Variants in TSPAN11 observed in about 807,000 individuals in gnomAD.
TSPAN11 encodes the protein tetraspanin 11.
In TSPAN11, 29 loss-of-function variants were observed where a neutral mutation model predicts 32.9. The observed-to-expected ratio is 0.88, with a 90% CI of 0.66 to 1.20. The LOEUF is 1.20. Ranked by LOEUF, TSPAN11 falls within the 50% of genes most tolerant of loss-of-function variation. The pLI, the probability that TSPAN11 is intolerant of heterozygous loss-of-function variation, is 0.00. For synonymous variants in TSPAN11, 140 were observed against 141.3 expected (o/e 0.99, Z 0.07); for missense variants, 283 against 329.1 (o/e 0.86, Z 1.08).
intron 3 of TSPAN11, among the ~76,000 whole-genome samples, 155 bp downstream of exon 3, chr12:30,964,172 C>T (rs752686698): frequency 6.6e-6 from 1 of 152,122 alleles, no homozygotes; most frequent in East Asian, 1.9e-4. Context: ...TGGGGTTTGC[C>T]ACGGTCTCCA....
the TSPAN11 span, among the ~76,000 whole-genome samples, chr12:31,014,813 T>A: frequency 1.6e-4 from 25 of 152,248 alleles, no homozygotes; most frequent in African/African-American, 6.0e-4. Context: ...TGTAGTAATA[T>A]TTTTAGAAAT....
At position 30,949,565 on chromosome 12, in the gene TSPAN11, A is replaced by G. The variant is rs185080625; in HGVS notation, c.-11-4416A>G. 4.6e-5 allele frequency among the ~76,000 whole-genome samples: 7 copies of G among 152,292 alleles called. No homozygotes were observed. The East Asian group carries it at 1.4e-3, about 29-fold the overall frequency. ...GAATAGTACGTGAGAATAGTATGTGAAAGACTGGCCCCCATGATTCAATTA... is the reference window on the plus strand; with the variant it reads ...GAATAGTACGTGAGAATAGTATGTGGAAGACTGGCCCCCATGATTCAATTA... On this transcript the variant is annotated intron_variant, in intron 1 of 7. Transcript: ENST00000546076.
intron 1 of TSPAN11, among the ~76,000 whole-genome samples, chr12:30,930,691 A>C (rs548215704): frequency 1.4e-4 from 21 of 152,208 alleles, no homozygotes; most frequent in Non-Finnish European, 2.9e-4. Flanking sequence ...GGAATTTGAA[A>C]AAGGTCTTAT....
At chr12:30,953,321 A>T (rs1938418099) in intron 1 of TSPAN11, among the ~76,000 whole-genome samples, 1 of 152,148 alleles carries the variant, frequency 6.6e-6, no homozygotes, top group Non-Finnish European at 1.5e-5. Context: ...ATGCTGAGGG[A>T]TGGGAGGTCA....
chr12:30,937,872 T>A (rs1237669953), intron 1 of TSPAN11, among the ~76,000 whole-genome samples: 1 of 152,224 alleles, frequency 6.6e-6, no homozygotes, highest in African/African-American at 2.4e-5. Context: ...GCTGTCCTTG[T>A]CTGCATGGTT....
At chr12:30,942,026 C>T (rs1015908137) in intron 1 of TSPAN11, among the ~76,000 whole-genome samples, 2 of 152,204 alleles carry the variant, frequency 1.3e-5, no homozygotes, top group African/African-American at 2.4e-5. Context: ...AGGGCCTTCC[C>T]TCACAACCAT....
chr12:30,926,904 A>G (rs1363381489), intron 1 of TSPAN11, 108 bp downstream of exon 1: 2 of 1,276,202 alleles, frequency 1.6e-6, no homozygotes, highest in Admixed American at 2.4e-5. Flanking sequence ...GTCCCGAGCT[A>G]GACTGTCCCG....
intron 3 of TSPAN11, 55 bp downstream of exon 3, chr12:30,964,072 G>A: frequency 1.3e-6 from 2 of 1,568,020 alleles, no homozygotes; most frequent in Admixed American, 3.5e-5. Flanking sequence ...CACCCAGTCA[G>A]GTTTCCAGCA....
At chr12:31,016,074 C>T in the TSPAN11 span, among the ~76,000 whole-genome samples, 2 of 152,282 alleles carry the variant, frequency 1.3e-5, no homozygotes, top group South Asian at 2.1e-4. Context: ...GCCAGGAGTT[C>T]GTGACCAGCC....
At chr12:30,972,975 T>A (rs951892977) in intron 3 of TSPAN11, among the ~76,000 whole-genome samples, 1 of 151,872 alleles carries the variant, frequency 6.6e-6, no homozygotes, top group Non-Finnish European at 1.5e-5. Context: ...ATTCCTCACC[T>A]CTCCTGACAC....
intron 1 of TSPAN11, among the ~76,000 whole-genome samples, chr12:30,947,591 C>T (rs1008877480): frequency 3.9e-5 from 6 of 152,082 alleles, no homozygotes; most frequent in East Asian, 1.9e-4. Context: ...ACAGAAACCC[C>T]GATAAACCCA....
intron 3 of TSPAN11, among the ~76,000 whole-genome samples, chr12:30,972,644 G>A (rs1049107439): frequency 6.6e-6 from 1 of 152,146 alleles, no homozygotes; most frequent in Admixed American, 6.5e-5. Flanking sequence ...TCTGAGGTAA[G>A]AGCAGGCTGG....
chr12:30,977,986 A>G (rs1939009996), intron 3 of TSPAN11, among the ~76,000 whole-genome samples: 1 of 152,090 alleles, frequency 6.6e-6, no homozygotes, highest in Admixed American at 6.5e-5. Flanking sequence ...CCTGCATTCC[A>G]ACTACAAGGG....
In TSPAN11 at chr12:30,978,604, C is replaced by T. The variant is rs761892402; in HGVS notation, c.320C>T (p.Ala107Val). 9 of 1,614,186 alleles carry T rather than the reference C, an allele frequency of 5.6e-6. No individual in the cohort carries two copies. Among genetic ancestry groups the T allele is most frequent in the East Asian group, 4.5e-5 (2 of 44,886 alleles). The stretch of plus-strand genomic sequence containing the variant: ...GTCATCTTCCTGGTTGAGCTGGTGG[C>T]GGGAGTCCTGGCCCATGTGTATTAC... Reference protein sequence around the residue: ...LLVIFLVELVAGVLAHVYYQR... With the variant: ...LLVIFLVELVVGVLAHVYYQR... Residue 107 changes from alanine (A) to valine (V), a missense_variant, in exon 4 of 8, where the codon GCG becomes GTG. Coordinates refer to ENST00000546076, the MANE Select transcript of TSPAN11 (RefSeq NM_001370302.1).
rs1487513176 is a variant in TSPAN11, at chr12:30,994,975, C to G, written c.*3060C>G. On this transcript the variant is annotated 3_prime_UTR_variant, in exon 8 of 8. Transcript: ENST00000546076. ...TCTCCATAAGGAGCCATCAGGCTGT[C>G]ATTAAGGAACAGAGTGTCACTCAGG... is the stretch of plus-strand genomic sequence containing the variant. 6.6e-6 allele frequency: 1 copy of G among 152,040 alleles called. No individual in the cohort carries two copies. Among genetic ancestry groups the G allele is most frequent in the Non-Finnish European group, 1.5e-5 (1 of 68,044 alleles). 9.4% of individuals were successfully genotyped at this position (152,040 alleles called of 1,614,324 possible).
chr12:30,963,740 A>C (rs1938662098), intron 2 of TSPAN11, 86 bp from the exon 3 acceptor site: 2 of 1,437,980 alleles, frequency 1.4e-6, no homozygotes, highest in Non-Finnish European at 9.4e-7. Context: ...GTGCAAGAGA[A>C]GTGCCTGGCA....
rs1442397672 is a variant in TSPAN11 at position 30,992,021 on chromosome 12, C to T, written c.*106C>T. 7.8e-7 allele frequency: 1 copy of T among 1,290,142 alleles called. No homozygotes were observed. Among genetic ancestry groups the T allele is most frequent in the East Asian group, 2.4e-5 (1 of 42,458 alleles). The allele number at this position is 1,290,142 out of a possible 1,614,324, so 79.9% of individuals were successfully genotyped here. Reference sequence around the variant, plus strand: ...CCAGCTCCACTAGGGCCATAGATGCCCCCTCCTTTGTGCCTAGCTCCTGCG... The same window carrying T: ...CCAGCTCCACTAGGGCCATAGATGCTCCCTCCTTTGTGCCTAGCTCCTGCG... On this transcript the variant is annotated 3_prime_UTR_variant, in exon 8 of 8. Transcript: ENST00000546076.
the TSPAN11 span, among the ~76,000 whole-genome samples, chr12:31,004,082 C>T: frequency 1.3e-5 from 2 of 152,194 alleles, no homozygotes; most frequent in African/African-American, 4.8e-5. Context: ...ATGGAGCCAA[C>T]TGTAGGAAGA....
At chr12:31,002,209 C>T in the TSPAN11 span, among the ~76,000 whole-genome samples, 37 of 152,078 alleles carry the variant, frequency 2.4e-4, no homozygotes, top group African/African-American at 8.5e-4. The surrounding 1 kb of genome is among the most constrained non-coding windows in gnomAD (Gnocchi z 4.8). Context: ...TGGGACATGG[C>T]GGCTGCAGGA....
Sources: allele counts gnomAD v4.1 joint callset (sites outside exome capture counted in the v4.1 genomes callset), GRCh38; gene constraint gnomAD v4.1.1; non-coding constraint Gnocchi (gnomAD v3.1); transcripts MANE v1.5; gene names NCBI Gene and HGNC (gene_info 2026-07-23, HGNC 2026-07-21).